Variants in JPH3 observed in about 807,000 individuals in gnomAD.
The protein encoded by JPH3 is junctophilin-3.
In JPH3, 11 loss-of-function variants were observed where a neutral mutation model predicts 59.6. The observed-to-expected ratio is 0.18, with a 90% CI of 0.12 to 0.31. The LOEUF (loss-of-function observed/expected upper bound fraction) is 0.31, where lower values mean the gene tolerates loss of function less well. Among genes scored for constraint, JPH3 ranks in the 10% least tolerant of loss-of-function variants. JPH3 has a pLI of 1.00. For missense variants in JPH3, 1,202 were observed against 1,105.7 expected (o/e 1.09, Z -1.24); for synonymous variants, 673 against 483.6 (o/e 1.39, Z -5.14).
intron 4 of JPH3, chr16:87,693,890 A>G (rs1313467232): frequency 1.3e-5 from 2 of 152,258 alleles, no homozygotes; most frequent in Non-Finnish European, 2.9e-5. Flanking sequence ...TTGGCTGCTC[A>G]TCCCCAAATC....
At chr16:87,695,079 C>T (rs1024986156) in intron 4 of JPH3, 3 of 346,176 alleles carry the variant, frequency 8.7e-6, no homozygotes, top group African/African-American at 2.1e-5. Context: ...GGGAGTGGAA[C>T]TGCTGGGTCC....
rs181546407 is a variant in JPH3 at position 87,645,139 on chromosome 16, G to T, written c.1160+104G>T. On this transcript the variant is annotated intron_variant, in intron 2 of 4. Transcript: ENST00000284262. ...CGCTCAAGGCCTTGGGCTAGGCCCA[G>T]TTTGAGGCCTACACTGGTGTTTCTC... 29 of 1,185,476 alleles carry T rather than the reference G, an allele frequency of 2.4e-5. No individual in the cohort carries two copies. In the African/African-American group the frequency reaches 4.0e-4, roughly 16 times the overall value. 73.4% of individuals were successfully genotyped at this position (1,185,476 alleles called of 1,614,324 possible).
chr16:87,620,545 G>A (rs528450760), intron 1 of JPH3, among the ~76,000 whole-genome samples: 1 of 148,222 alleles, frequency 6.7e-6, no homozygotes, highest in Non-Finnish European at 1.5e-5. Flanking sequence ...GAGAGGGAGG[G>A]GAAGGGCTGC....
intron 2 of JPH3, among the ~76,000 whole-genome samples, chr16:87,655,468 C>G (rs1360685532): frequency 6.6e-6 from 1 of 152,206 alleles, no homozygotes; most frequent in Non-Finnish European, 1.5e-5. Context: ...ATCCTCCCAC[C>G]TCAGCCTCCT....
At chr16:87,618,663 G>A (rs370199212) in intron 1 of JPH3, among the ~76,000 whole-genome samples, 1 of 152,182 alleles carries the variant, frequency 6.6e-6, no homozygotes, top group Non-Finnish European at 1.5e-5. Context: ...ACCTGTCATC[G>A]CCTGTCTTTT....
intron 1 of JPH3, among the ~76,000 whole-genome samples, chr16:87,605,230 C>T (rs1228935798): frequency 4.6e-5 from 7 of 152,192 alleles, no homozygotes; most frequent in East Asian, 1.9e-4. Context: ...CCAGGGCTTT[C>T]GTTGTCTCTG....
chr16:87,674,685 A>C (rs2033101500), intron 2 of JPH3, among the ~76,000 whole-genome samples: 2 of 152,236 alleles, frequency 1.3e-5, no homozygotes, highest in Admixed American at 6.5e-5. Context: ...GAAGGGTTTG[A>C]AGGAGGAGTT....
At chr16:87,656,700 G>A (rs1206001582) in intron 2 of JPH3, among the ~76,000 whole-genome samples, 1 of 152,210 alleles carries the variant, frequency 6.6e-6, no homozygotes, top group East Asian at 1.9e-4. Flanking sequence ...GGAGGAACGG[G>A]GGCCCCTACG....
intron 1 of JPH3, among the ~76,000 whole-genome samples, chr16:87,615,513 T>G (rs2030922995): frequency 6.6e-6 from 1 of 152,172 alleles, no homozygotes; most frequent in Non-Finnish European, 1.5e-5. Flanking sequence ...CCCTGTTCAT[T>G]TGTTTCGTCT....
chr16:87,689,707 C>G lies in JPH3; in HGVS notation c.1347C>G (p.Thr449=). 6.2e-7 allele frequency: 1 copy of G among 1,612,428 alleles called. No individual in the cohort carries two copies. ...TSCDDIEVLS[T]GTPLQQESPE... The stretch of plus-strand genomic sequence containing the variant: ...GTGACGACATCGAGGTGCTGTCCAC[C>G]GGGACACCCCTGCAGCAGGAGAGCC... The change falls in exon 4 of 5, where the codon ACC becomes ACG. Residue 449 remains threonine (T), a synonymous_variant. Transcript: ENST00000284262.
chr16:87,637,807 T>G (rs940674658), intron 1 of JPH3, among the ~76,000 whole-genome samples: 1 of 152,180 alleles, frequency 6.6e-6, no homozygotes, highest in Non-Finnish European at 1.5e-5. Flanking sequence ...GCTGGCCTCC[T>G]GGGTGGTGTT....
intron 1 of JPH3, among the ~76,000 whole-genome samples, chr16:87,616,218 GT>G (rs2030958007): frequency 6.9e-6 from 1 of 145,614 alleles, no homozygotes; most frequent in Non-Finnish European, 1.5e-5. Context: ...GTGTGTGTGT[GT>G]GTGTGTGTGT....
At chr16:87,661,463 G>A (rs573871233) in intron 2 of JPH3, among the ~76,000 whole-genome samples, 2 of 152,236 alleles carry the variant, frequency 1.3e-5, no homozygotes, top group South Asian at 4.1e-4. Flanking sequence ...CTCTCTTTAG[G>A]GGGAGCAAAG....
chr16:87,675,693 A>G (rs898406618), intron 2 of JPH3, among the ~76,000 whole-genome samples: 1 of 152,242 alleles, frequency 6.6e-6, no homozygotes, highest in East Asian at 1.9e-4. Context: ...TGTTAACTCA[A>G]AAAGGGACTC....
At chr16:87,684,541 G>A (rs995868465) in intron 3 of JPH3, 30 of 439,496 alleles carry the variant, frequency 6.8e-5, no homozygotes, top group African/African-American at 5.0e-4. Flanking sequence ...TGTCCCTGAC[G>A]GTGAATTCCC....
At chr16:87,646,906 C>T (rs375675338) in intron 2 of JPH3, among the ~76,000 whole-genome samples, 34 of 152,112 alleles carry the variant, frequency 2.2e-4, no homozygotes, top group Non-Finnish European at 4.4e-5. Context: ...GGGGGACCTG[C>T]GACCTGAGAT....
intron 2 of JPH3, among the ~76,000 whole-genome samples, chr16:87,674,795 C>CT (rs1333534302): frequency 6.6e-6 from 1 of 152,164 alleles, no homozygotes; most frequent in East Asian, 1.9e-4. Context: ...GAGTCTTGCT[C>CT]TGTCGCCCAG....
chr16:87,659,419 C>T (rs745675861), intron 2 of JPH3, among the ~76,000 whole-genome samples: 1 of 136,102 alleles, frequency 7.3e-6, no homozygotes, highest in South Asian at 2.4e-4. Context: ...CACACATACA[C>T]ACAACATAAA....
intron 1 of JPH3, among the ~76,000 whole-genome samples, chr16:87,605,156 G>A (rs1449989192): frequency 6.6e-6 from 1 of 152,172 alleles, no homozygotes; most frequent in African/African-American, 2.4e-5. Flanking sequence ...AGGTGCTCCT[G>A]GCTGAGCCTG....
Sources: allele counts gnomAD v4.1 joint callset (sites outside exome capture counted in the v4.1 genomes callset), GRCh38; gene constraint gnomAD v4.1.1; transcripts MANE v1.5; gene names NCBI Gene and HGNC (gene_info 2026-07-23, HGNC 2026-07-21).